SGCZ: variants seen among roughly 807,000 people sequenced by gnomAD.
The protein encoded by SGCZ is sarcoglycan zeta.
SGCZ carries 40 observed loss-of-function variants against 41.3 expected under a neutral mutation model. The observed-to-expected ratio is 0.97, with a 90% CI of 0.75 to 1.26. The LOEUF (loss-of-function observed/expected upper bound fraction) is 1.26. SGCZ is among the 50% of genes most tolerant of loss of function. The pLI is 0.00. For synonymous variants in SGCZ, 206 were observed against 137.5 expected, an observed-to-expected ratio of 1.50 and a Z score of -3.49; for missense variants, 552 against 369.8, an observed-to-expected ratio of 1.49 and a Z score of -4.04.
intron 1 of SGCZ, among the ~76,000 whole-genome samples, chr8:14,555,776 A>C (rs973280390): frequency 6.6e-6 from 1 of 152,078 alleles, no homozygotes; most frequent in Non-Finnish European, 1.5e-5. Context: ...ATGCTTCAGT[A>C]AAAATATTAG....
chr8:14,372,460 A>G (rs1231837184), intron 2 of SGCZ, among the ~76,000 whole-genome samples: 1 of 152,188 alleles, frequency 6.6e-6, no homozygotes, highest in Non-Finnish European at 1.5e-5. Context: ...GTGGCTTCAC[A>G]GAACTTACAT....
chr8:14,262,324 G>A (rs141052579), intron 3 of SGCZ, among the ~76,000 whole-genome samples: 8 of 152,106 alleles, frequency 5.3e-5, no homozygotes, highest in Admixed American at 1.3e-4. Context: ...GTTGCCTTAC[G>A]TTGTTTAAAT....
At chr8:14,456,071 G>T (rs1301234377) in intron 2 of SGCZ, among the ~76,000 whole-genome samples, 1 of 152,140 alleles carries the variant, frequency 6.6e-6, no homozygotes, top group East Asian at 1.9e-4. Context: ...GGTGACGCTT[G>T]CACAACTCTG....
chr8:14,114,585 A>G (rs1230487819), intron 5 of SGCZ, among the ~76,000 whole-genome samples: 2 of 152,002 alleles, frequency 1.3e-5, no homozygotes, highest in African/African-American at 4.8e-5. Flanking sequence ...TTGGATGCCA[A>G]ATAATATCCT....
chr8:14,370,420 C>T lies in SGCZ; in HGVS notation c.235-46216G>A, dbSNP rs528375414. Among the ~76,000 whole-genome samples, 11 of 151,754 alleles carry T rather than the reference C, an allele frequency of 7.2e-5. No individual in the cohort carries two copies. In the South Asian group the frequency reaches 1.9e-3, roughly 26 times the overall value. On this transcript the variant is annotated intron_variant, in intron 2 of 7. Transcript: ENST00000382080. Reference sequence around the variant, plus strand: ...ATCAGATACTATGCCAAGCACAACACGGTAATTTATTTATTTCAAGTTTCT... The same window carrying T: ...ATCAGATACTATGCCAAGCACAACATGGTAATTTATTTATTTCAAGTTTCT...
At chr8:14,446,012 A>C (rs11787310) in intron 2 of SGCZ, among the ~76,000 whole-genome samples, 71,904 of 151,926 alleles carry the variant, frequency 0.47, 17,405 homozygotes, top group African/African-American at 0.55. Context: ...GGGTTGAGTG[A>C]AGCGAGACAA....
intron 1 of SGCZ, among the ~76,000 whole-genome samples, chr8:14,686,980 T>C (rs1303703300): frequency 1.3e-5 from 2 of 151,558 alleles, no homozygotes; most frequent in Non-Finnish European, 2.9e-5. Flanking sequence ...TAATATTAAA[T>C]ATAGGACTAT....
At chr8:14,559,405 C>G in intron 1 of SGCZ, among the ~76,000 whole-genome samples, 1 of 152,020 alleles carries the variant, frequency 6.6e-6, no homozygotes, top group East Asian at 1.9e-4. Context: ...AAATAAAATA[C>G]TTAGAAATAT....
At chr8:14,851,399 G>GA (rs1172324654) in intron 1 of SGCZ, among the ~76,000 whole-genome samples, 8 of 130,122 alleles carry the variant, frequency 6.1e-5, no homozygotes, top group Non-Finnish European at 9.9e-5. Flanking sequence ...AAGAAAAAAA[G>GA]AAAAAAGAAA....
At chr8:15,200,150 C>T (rs534870950) in intron 1 of SGCZ, among the ~76,000 whole-genome samples, 1 of 152,260 alleles carries the variant, frequency 6.6e-6, no homozygotes, top group South Asian at 2.1e-4. Context: ...ATGTGTTCAG[C>T]GAGTTTCCTC....
chr8:14,942,729 A>G (rs1216385362), intron 1 of SGCZ, among the ~76,000 whole-genome samples: 1 of 152,110 alleles, frequency 6.6e-6, no homozygotes, highest in Non-Finnish European at 1.5e-5. Flanking sequence ...AATATATTCA[A>G]TCATGTTATA....
intron 1 of SGCZ, among the ~76,000 whole-genome samples, chr8:14,564,265 A>T (rs1804291918): frequency 6.6e-6 from 1 of 152,206 alleles, no homozygotes; most frequent in Non-Finnish European, 1.5e-5. Flanking sequence ...GAGTGTTGAT[A>T]TTCCAGGAGA....
intron 5 of SGCZ, among the ~76,000 whole-genome samples, chr8:14,129,398 T>C (rs1200077767): frequency 8.4e-6 from 1 of 119,574 alleles, no homozygotes; most frequent in African/African-American, 3.0e-5. Flanking sequence ...CATAAATTTA[T>C]AGAAATAAAA....
At chr8:14,767,234 TC>T (rs1193429816) in intron 1 of SGCZ, among the ~76,000 whole-genome samples, 1 of 152,052 alleles carries the variant, frequency 6.6e-6, no homozygotes, top group African/African-American at 2.4e-5. Flanking sequence ...AGCCTACTTT[TC>T]CCCCTCACAA....
chr8:14,234,666 C>A (rs1806692080), intron 4 of SGCZ, among the ~76,000 whole-genome samples: 1 of 151,912 alleles, frequency 6.6e-6, no homozygotes, highest in South Asian at 2.1e-4. Flanking sequence ...CACATAAAAA[C>A]TGAAAGAATA....
At chr8:14,850,341 GA>G (rs1803270413) in intron 1 of SGCZ, among the ~76,000 whole-genome samples, 1 of 152,136 alleles carries the variant, frequency 6.6e-6, no homozygotes, top group African/African-American at 2.4e-5. Flanking sequence ...GACTTTAAAG[GA>G]GAGAAGGAGG....
At chr8:14,794,439 T>G (rs987752620) in intron 1 of SGCZ, among the ~76,000 whole-genome samples, 1 of 152,064 alleles carries the variant, frequency 6.6e-6, no homozygotes, top group Non-Finnish European at 1.5e-5. Context: ...TAAAGCTCAA[T>G]AGAATTCGAC....
chr8:14,280,805 T>A (rs1281440392), intron 3 of SGCZ, among the ~76,000 whole-genome samples: 1 of 15,540 alleles, frequency 6.4e-5, no homozygotes, highest in Admixed American at 7.4e-4. Flanking sequence ...TATAGGGTTT[T>A]TTTTTTTTTT....
chr8:14,860,061 T>C (rs762234470), intron 1 of SGCZ, among the ~76,000 whole-genome samples: 1 of 151,240 alleles, frequency 6.6e-6, no homozygotes, highest in African/African-American at 2.4e-5. Context: ...TCCTTTAGGT[T>C]CCCTCTCCAC....
Sources: gnomAD v4.1 joint callset for allele counts (sites outside exome capture counted in the v4.1 genomes callset) on GRCh38, gnomAD v4.1.1 for gene constraint, MANE v1.5 for transcripts, NCBI Gene and HGNC (gene_info 2026-07-23, HGNC 2026-07-21) for gene names.